Variants in PLXDC2 observed in about 807,000 individuals in gnomAD.
PLXDC2 encodes the protein plexin domain containing 2, also known as plexin domain-containing protein 2.
A neutral mutation model predicts 68.9 loss-of-function variants in PLXDC2; 40 were observed. The ratio of observed to expected loss-of-function variants is 0.58; its 90% confidence interval spans 0.45 to 0.76. PLXDC2 has a LOEUF of 0.76. Ranked by LOEUF, PLXDC2 falls within the 30% of genes least tolerant of loss-of-function variation. The pLI is 0.00. For synonymous variants in PLXDC2, 243 were observed against 234.2 expected, an observed-to-expected ratio of 1.04 and a Z score of -0.34; for missense variants, 644 against 661.9, an observed-to-expected ratio of 0.97 and a Z score of 0.30.
chr10:19,878,682 C>G (rs568615751), intron 1 of PLXDC2, among the ~76,000 whole-genome samples: 2 of 152,318 alleles, frequency 1.3e-5, no homozygotes, highest in South Asian at 4.1e-4. Context: ...TAAGGTATTT[C>G]TGTTGTATTG....
chr10:20,250,422 C>T (rs570357973), intron 13 of PLXDC2, among the ~76,000 whole-genome samples: 27 of 152,082 alleles, frequency 1.8e-4, no homozygotes, highest in Non-Finnish European at 3.1e-4. Flanking sequence ...ATAGTAACAG[C>T]CAACATTTAT....
At chr10:19,977,994 C>A (rs1834487502) in intron 1 of PLXDC2, among the ~76,000 whole-genome samples, 1 of 152,178 alleles carries the variant, frequency 6.6e-6, no homozygotes, top group Non-Finnish European at 1.5e-5. Context: ...CTAAATTGAG[C>A]AGATCATCTG....
At chr10:19,835,320 G>A (rs890574526) in intron 1 of PLXDC2, among the ~76,000 whole-genome samples, 4 of 152,192 alleles carry the variant, frequency 2.6e-5, no homozygotes, top group African/African-American at 9.6e-5. Flanking sequence ...CAGGTCTAGA[G>A]ATAGACCAAA....
chr10:20,002,260 C>T (rs1233051842), intron 2 of PLXDC2, among the ~76,000 whole-genome samples: 1 of 138,450 alleles, frequency 7.2e-6, no homozygotes, highest in Non-Finnish European at 1.6e-5. Context: ...TGTGTAAGAG[C>T]TTTTTTTTTT....
At chr10:19,817,816 C>T (rs906514883) in intron 1 of PLXDC2, among the ~76,000 whole-genome samples, 5 of 152,312 alleles carry the variant, frequency 3.3e-5, no homozygotes, top group Admixed American at 6.5e-5. Flanking sequence ...ACCCCTGCTC[C>T]CATTGTCCTC....
chr10:20,050,862 A>C (rs1322713721), intron 3 of PLXDC2, among the ~76,000 whole-genome samples: 1 of 152,078 alleles, frequency 6.6e-6, no homozygotes, highest in Non-Finnish European at 1.5e-5. Flanking sequence ...AATACCATTC[A>C]ACCCAGCAAT....
chr10:20,028,601 C>A (rs1367467624), intron 2 of PLXDC2, among the ~76,000 whole-genome samples: 2 of 152,186 alleles, frequency 1.3e-5, no homozygotes, highest in Non-Finnish European at 2.9e-5. Context: ...TCTAAACCTT[C>A]TGGACTGTCT....
At chr10:19,861,121 G>C (rs1000307446) in intron 1 of PLXDC2, among the ~76,000 whole-genome samples, 83 of 150,768 alleles carry the variant, frequency 5.5e-4, no homozygotes, top group African/African-American at 1.8e-3. Context: ...TGCAACCTCT[G>C]CCTCCCGGGT....
intron 4 of PLXDC2, among the ~76,000 whole-genome samples, chr10:20,112,939 C>G (rs1028022502): frequency 1.3e-5 from 2 of 152,076 alleles, no homozygotes; most frequent in African/African-American, 4.8e-5. Context: ...ATAAAATGAC[C>G]CTTGAAGTGA....
intron 9 of PLXDC2, among the ~76,000 whole-genome samples, chr10:20,202,472 G>C (rs185635776): frequency 6.6e-6 from 1 of 152,214 alleles, no homozygotes; most frequent in East Asian, 1.9e-4. Context: ...AATGTAACAA[G>C]GGCAGTAACC....
chr10:20,220,380 G>A (rs938809541), intron 12 of PLXDC2, among the ~76,000 whole-genome samples: 2 of 152,090 alleles, frequency 1.3e-5, no homozygotes, highest in Non-Finnish European at 2.9e-5. Context: ...ATGGAATGGG[G>A]GAAGAGTCCC....
Position 20,230,731 on chromosome 10 carries a change from T to TTTCA in PLXDC2, c.1312+11632_1312+11635dup, listed in dbSNP as rs554033052. On this transcript the variant is annotated intron_variant, in intron 12 of 13. Transcript: ENST00000377252. The stretch of plus-strand genomic sequence containing the variant: ...AAAAAAAAACAGGAAAACAGTGTCA[T>TTTCA]TTCATTAGGAACCATTATAATTTTT... Among the ~76,000 whole-genome samples the TTTCA allele has an allele frequency of 1.2e-3, 134 of 115,300 alleles. 2 individuals carry two copies. The East Asian group carries it at 0.025, about 21-fold the overall frequency. The allele number at this position is 115,300 out of a possible 152,430, so 75.6% of individuals were successfully genotyped here. A position where few individuals can be genotyped will look rare whatever the true frequency, so the allele number is the denominator to read the frequency against.
intron 4 of PLXDC2, among the ~76,000 whole-genome samples, chr10:20,118,239 T>C (rs533763212): frequency 6.6e-6 from 1 of 152,290 alleles, no homozygotes; most frequent in Admixed American, 6.5e-5. Flanking sequence ...CAGTGTCTTA[T>C]GTGTTCAAAT....
At chr10:20,087,224 C>A (rs1833212000) in intron 4 of PLXDC2, among the ~76,000 whole-genome samples, 1 of 152,192 alleles carries the variant, frequency 6.6e-6, no homozygotes, top group Non-Finnish European at 1.5e-5. Context: ...AGAATTGTAT[C>A]TGAGAACCAC....
intron 1 of PLXDC2, among the ~76,000 whole-genome samples, chr10:19,932,320 G>C (rs1417435627): frequency 6.6e-6 from 1 of 151,222 alleles, no homozygotes; most frequent in Non-Finnish European, 1.5e-5. Flanking sequence ...CTTTTCTCTT[G>C]GCACACATGT....
chr10:20,014,093 C>T (rs2131646906), intron 2 of PLXDC2, among the ~76,000 whole-genome samples: 1 of 152,272 alleles, frequency 6.6e-6, no homozygotes, highest in South Asian at 2.1e-4. Context: ...ATTCACTATT[C>T]CTCAAAACTC....
intron 13 of PLXDC2, among the ~76,000 whole-genome samples, chr10:20,270,711 A>T (rs1835927176): frequency 6.6e-6 from 1 of 151,950 alleles, no homozygotes; most frequent in South Asian, 2.1e-4. Flanking sequence ...CACCCTGCTA[A>T]TTTTTGTATT....
chr10:20,172,424 G>GT, intron 7 of PLXDC2, among the ~76,000 whole-genome samples: 1 of 152,246 alleles, frequency 6.6e-6, no homozygotes, highest in South Asian at 2.1e-4. Flanking sequence ...CCGGCCCACT[G>GT]TGACACTGCG....
At chr10:19,867,064 CTTT>C (rs61651939) in intron 1 of PLXDC2, among the ~76,000 whole-genome samples, 5 of 124,710 alleles carry the variant, frequency 4.0e-5, no homozygotes, top group East Asian at 2.4e-4. Context: ...TCCTTTCCCT[CTTT>C]TTTTTTTTTT....
Sources: allele counts gnomAD v4.1 joint callset (sites outside exome capture counted in the v4.1 genomes callset), GRCh38; gene constraint gnomAD v4.1.1; transcripts MANE v1.5; gene names NCBI Gene and HGNC (gene_info 2026-07-23, HGNC 2026-07-21).